Variants in BMPR2 observed in about 807,000 individuals in gnomAD.
The protein encoded by BMPR2 is bone morphogenetic protein receptor type 2.
A neutral mutation model predicts 100.8 loss-of-function variants in BMPR2; 29 were observed. The observed-to-expected ratio is 0.29, with a 90% CI of 0.21 to 0.39. BMPR2 has a LOEUF of 0.39. Among genes scored for constraint, BMPR2 ranks in the 10% least tolerant of loss-of-function variants. BMPR2 has a pLI of 1.00. For synonymous variants in BMPR2, 382 were observed against 442.3 expected (o/e 0.86, Z 1.71); for missense variants, 1,011 against 1,274.5 (o/e 0.79, Z 3.15).
intron 1 of BMPR2, among the ~76,000 whole-genome samples, chr2:202,420,314 A>T (rs981309652): frequency 6.6e-6 from 1 of 152,024 alleles, no homozygotes; most frequent in Non-Finnish European, 1.5e-5. Flanking sequence ...TAAACTTGAG[A>T]ATATCCTTAT....
chr2:202,395,580 CATAG>C (rs1439371095), intron 1 of BMPR2, among the ~76,000 whole-genome samples: 4 of 152,148 alleles, frequency 2.6e-5, no homozygotes, highest in African/African-American at 4.8e-5. Flanking sequence ...ACAGAATGCA[CATAG>C]ATAGTAATAA....
intron 10 of BMPR2, among the ~76,000 whole-genome samples, chr2:202,543,163 C>T (rs777928778): frequency 9.6e-5 from 13 of 135,534 alleles, no homozygotes; most frequent in African/African-American, 3.0e-4. Flanking sequence ...GGTGACAGAG[C>T]GAGACTCTGT....
Position 202,552,701 on chromosome 2 carries a change from T to G in BMPR2, c.1414-15T>G. ...TTTTAAAGACACATGGTTTGACATG[T>G]ACTTTGTCTTACAGGCAGTGAGGTC... On this transcript the variant is annotated splice_polypyrimidine_tract_variant and intron_variant, in intron 10 of 12. Coordinates refer to ENST00000374580, the MANE Select transcript of BMPR2 (RefSeq NM_001204.7). 1 of 1,613,978 alleles carries G rather than the reference T, an allele frequency of 6.2e-7. No homozygotes were observed. The highest frequency in any genetic ancestry group is 8.5e-7 in the Non-Finnish European group (1 of 1,179,844).
chr2:202,518,786 G>A (rs372134385), intron 5 of BMPR2, 36 bp from the exon 6 acceptor site: 12 of 1,507,334 alleles, frequency 8.0e-6, no homozygotes, highest in Non-Finnish European at 1.1e-5. Context: ...GTTCAATTGT[G>A]ATATTAATAC....
intron 1 of BMPR2, among the ~76,000 whole-genome samples, chr2:202,400,080 C>T (rs1690739096): frequency 6.6e-6 from 1 of 152,030 alleles, no homozygotes; most frequent in African/African-American, 2.4e-5. Flanking sequence ...TGCCACTGCC[C>T]TCCAGCCTGG....
At position 202,396,806 on chromosome 2, in the gene BMPR2, T is replaced by G. The variant is rs191470424; in HGVS notation, c.76+19256T>G. Among the ~76,000 whole-genome samples the G allele has an allele frequency of 4.9e-4, 74 of 152,294 alleles. No individual in the cohort carries two copies. In the Middle Eastern group the frequency reaches 0.01, roughly 21 times the overall value. ...TTGAGCAAGAAACTATTTTTTTTTT[T>G]GAAACGGAGTTTCGGAGTTTCGCTC... On this transcript the variant is annotated intron_variant, in intron 1 of 12. Transcript: ENST00000374580.
intron 1 of BMPR2, among the ~76,000 whole-genome samples, chr2:202,390,052 A>G (rs943805032): frequency 1.3e-5 from 2 of 152,094 alleles, no homozygotes; most frequent in Non-Finnish European, 2.9e-5. Flanking sequence ...TCCTGGATGT[A>G]ACCAGTGTTA....
At chr2:202,544,765 T>C (rs533902609) in intron 10 of BMPR2, among the ~76,000 whole-genome samples, 43 of 142,980 alleles carry the variant, frequency 3.0e-4, no homozygotes, top group African/African-American at 7.5e-4. Context: ...TTCTTTCTTT[T>C]TTTTTTTTTT....
At chr2:202,409,556 A>T (rs1186978952) in intron 1 of BMPR2, among the ~76,000 whole-genome samples, 1 of 152,174 alleles carries the variant, frequency 6.6e-6, no homozygotes, top group Non-Finnish European at 1.5e-5. Context: ...GTCTCTATTA[A>T]TTAAAACAAA....
chr2:202,507,699 C>CTTTTTTT (rs34200763), intron 3 of BMPR2, among the ~76,000 whole-genome samples: 3 of 142,162 alleles, frequency 2.1e-5, no homozygotes, highest in African/African-American at 8.1e-5. Flanking sequence ...CTTTTTTCAT[C>CTTTTTTT]TTTTTTTTTT....
intron 3 of BMPR2, among the ~76,000 whole-genome samples, chr2:202,478,254 T>TAC (rs1261081960): frequency 2.0e-5 from 3 of 152,210 alleles, no homozygotes; most frequent in Non-Finnish European, 4.4e-5. Flanking sequence ...AAGGCTGTGA[T>TAC]ACACCTTCAG....
intron 1 of BMPR2, among the ~76,000 whole-genome samples, chr2:202,428,384 C>T (rs1037524738): frequency 7.3e-6 from 1 of 136,998 alleles, no homozygotes; most frequent in Admixed American, 7.0e-5. Flanking sequence ...CCTTCTGTTT[C>T]TCTCTCTCTC....
At position 202,552,774 on chromosome 2, in the gene BMPR2, G is replaced by A. The variant is rs137852749; in HGVS notation, c.1472G>A (p.Arg491Gln). 6.2e-7 allele frequency: 1 copy of A among 1,614,084 alleles called. No homozygotes were observed. Among genetic ancestry groups the A allele is most frequent in the South Asian group, 1.1e-5 (1 of 91,086 alleles). The change falls in exon 11 of 13, where the codon CGG becomes CAG. Residue 491 changes from arginine (R) to glutamine (Q), a missense_variant. This residue lies in a region of BMPR2 where 83 missense variants were observed against 140.7 expected (regional missense o/e 0.59). Coordinates refer to ENST00000374580, the MANE Select transcript of BMPR2 (RefSeq NM_001204.7). ...TGTTGGGACCAGGATGCAGAGGCTC[G>A]GCTTACTGCACAGTGTGCTGAGGAA... is the stretch of plus-strand genomic sequence containing the variant. ...EDCWDQDAEARLTAQCAEERM... is the reference protein window; with the variant it reads ...EDCWDQDAEAQLTAQCAEERM...
At chr2:202,444,722 G>A (rs913296940) in intron 1 of BMPR2, among the ~76,000 whole-genome samples, 1 of 150,748 alleles carries the variant, frequency 6.6e-6, no homozygotes, top group Non-Finnish European at 1.5e-5. Context: ...ACATTTGGAA[G>A]TAGTGTATCT....
At chr2:202,542,131 A>AG (rs1212452208) in intron 9 of BMPR2, among the ~76,000 whole-genome samples, 180 bp from the exon 10 acceptor site, 2 of 152,024 alleles carry the variant, frequency 1.3e-5, no homozygotes, top group East Asian at 3.9e-4. Context: ...AAGAAAAAAA[A>AG]ATCATTAAAC....
At chr2:202,507,256 A>C (rs1161556979) in intron 3 of BMPR2, among the ~76,000 whole-genome samples, 1 of 152,006 alleles carries the variant, frequency 6.6e-6, no homozygotes, top group Non-Finnish European at 1.5e-5. Context: ...TTTTGTCCTT[A>C]GATCTTATTT....
intron 1 of BMPR2, among the ~76,000 whole-genome samples, chr2:202,389,713 C>T (rs1334783380): frequency 6.6e-6 from 1 of 150,562 alleles, no homozygotes; most frequent in Non-Finnish European, 1.5e-5. Context: ...TCGATCTTGG[C>T]TCACCGCAAC....
At chr2:202,397,963 A>G (rs1014197318) in intron 1 of BMPR2, among the ~76,000 whole-genome samples, 1 of 151,934 alleles carries the variant, frequency 6.6e-6, no homozygotes, top group Non-Finnish European at 1.5e-5. Flanking sequence ...TCTACTGAAA[A>G]TATAAAAAAT....
intron 1 of BMPR2, among the ~76,000 whole-genome samples, chr2:202,447,199 T>C (rs533197490): frequency 1.3e-5 from 2 of 150,012 alleles, no homozygotes; most frequent in African/African-American, 5.1e-5. Context: ...TCCCAGCTAC[T>C]TGGGAGGCTG....
Sources: allele counts gnomAD v4.1 joint callset (sites outside exome capture counted in the v4.1 genomes callset), GRCh38; gene constraint gnomAD v4.1.1; regional missense constraint gnomAD v4.1.1; transcripts MANE v1.5; gene names NCBI Gene and HGNC (gene_info 2026-07-23, HGNC 2026-07-21).